Variants in ZNF518A observed in about 807,000 individuals in gnomAD.
ZNF518A encodes the protein zinc finger protein 518A, also known as zinc finger protein 518.
A neutral mutation model predicts 102.7 loss-of-function variants in ZNF518A; 47 were observed. That is an observed-to-expected ratio of 0.46 (90% CI 0.36 to 0.58). The LOEUF (loss-of-function observed/expected upper bound fraction) is 0.58, where lower values mean the gene tolerates loss of function less well. Among genes scored for constraint, ZNF518A ranks in the 20% least tolerant of loss-of-function variants. The pLI, the probability that ZNF518A is intolerant of heterozygous loss-of-function variation, is 0.00. For missense variants in ZNF518A, 1,793 were observed against 1,699.8 expected (o/e 1.05, Z -0.96); for synonymous variants, 652 against 594.6 (o/e 1.10, Z -1.40).
Position 96,203,972 on chromosome 10 carries a change from T to G in ZNF518A, n.143T>G, listed in dbSNP as rs1438833280. 13 of 1,135,540 alleles carry G rather than the reference T, an allele frequency of 1.1e-5. No homozygotes were observed. In the East Asian group the frequency reaches 3.1e-4, roughly 27 times the overall value. 70.3% of individuals were successfully genotyped at this position (1,135,540 alleles called of 1,614,324 possible). Reference sequence around the variant, plus strand: ...AGGATAACGCAGCTGGAAGCGACAGTGCTGTGTTAGAACCCAGGCCTATCA... The same window carrying G: ...AGGATAACGCAGCTGGAAGCGACAGGGCTGTGTTAGAACCCAGGCCTATCA... On this transcript the variant is annotated non_coding_transcript_exon_variant, in exon 3 of 3. Coordinates refer to the ZNF518A transcript ENST00000442635.
intron 1 of ZNF518A, among the ~76,000 whole-genome samples, chr10:96,195,738 GTAAA>G (rs1413508292): frequency 2.0e-5 from 3 of 152,190 alleles, no homozygotes; most frequent in Non-Finnish European, 4.4e-5. Flanking sequence ...TCACAACAAT[GTAAA>G]TATACTTATT....
chr10:96,159,531 A>G lies in ZNF518A; in HGVS notation c.3209A>G (p.Glu1070Gly). 1 of 1,613,896 alleles carries G rather than the reference A, an allele frequency of 6.2e-7. No homozygotes were observed. The highest frequency in any genetic ancestry group is 8.5e-7 in the Non-Finnish European group (1 of 1,179,802). Residue 1070 changes from glutamate to glycine, a missense_variant, in exon 6 of 6, where the codon GAG becomes GGG. Transcript: ENST00000316045. The part of the protein sequence containing the change: ...KAVLIPNMLS[E>G]QQSTKLNISD... ...GTTCTTATTCCTAACATGCTATCTG[A>G]GCAACAGAGCACTAAGTTGAATATC... is the stretch of plus-strand genomic sequence containing the variant.
At chr10:96,164,022 C>CTAAG (rs1207593184), downstream of ZNF518A, among the ~76,000 whole-genome samples, 3 of 152,036 alleles carry the variant, frequency 2.0e-5, no homozygotes, top group African/African-American at 7.3e-5. Flanking sequence ...CATTTGTGTG[C>CTAAG]TAAGAGTAGT....
At position 96,156,647 on chromosome 10, in the gene ZNF518A, G is replaced by C. The variant is rs782347464; in HGVS notation, c.325G>C (p.Gly109Arg). The C allele has an allele frequency of 6.2e-7, 1 of 1,613,730 alleles. No individual in the cohort carries two copies. The highest frequency in any genetic ancestry group is 8.5e-7 in the Non-Finnish European group (1 of 1,179,766). The change falls in exon 6 of 6, where the codon GGT (glycine) becomes CGT (arginine). Residue 109 changes from glycine to arginine, a missense_variant. Physicochemically the swap from Gly to Arg is moderately radical, Grantham distance 125. Transcript: ENST00000316045. ...TAAGTCTGAGAGAGCTGAAGAAGAGGGTGTAAAAATGTCTGCAAAAATACT... is the reference window on the plus strand; with the variant it reads ...TAAGTCTGAGAGAGCTGAAGAAGAGCGTGTAAAAATGTCTGCAAAAATACT... ...LHKSERAEEE[G>R]VKMSAKILNF...
chr10:96,160,986 CACAGCACA>C lies in ZNF518A; in HGVS notation c.*213_*220del, dbSNP rs2082977491. 3 of 488,436 alleles carry C rather than the reference CACAGCACA, an allele frequency of 6.1e-6. No homozygotes were observed. Among genetic ancestry groups the C allele is most frequent in the Non-Finnish European group, 1.1e-5 (3 of 285,420 alleles). 30.3% of individuals were successfully genotyped at this position (488,436 alleles called of 1,614,324 possible). On this transcript the variant is annotated 3_prime_UTR_variant, in exon 6 of 6. Coordinates refer to ENST00000316045, the MANE Select transcript of ZNF518A (RefSeq NM_001330736.2). ...CTCAAAAGTTTTGAAAGAAACTAAT[CACAGCACA>C]GAAGTACCTTGATTTAATTTTTTAA...
chr10:96,139,991 C>T (rs1300621199), intron 3 of ZNF518A, among the ~76,000 whole-genome samples: 3 of 151,792 alleles, frequency 2.0e-5, no homozygotes, highest in South Asian at 2.1e-4. Context: ...CCTGAGTAGC[C>T]GGGATTACAG....
chr10:96,160,187 C>T lies in ZNF518A; in HGVS notation c.3865C>T (p.Pro1289Ser), dbSNP rs200076503. 13 of 1,609,008 alleles carry T rather than the reference C, an allele frequency of 8.1e-6. No individual in the cohort carries two copies. The highest frequency in any genetic ancestry group is 1.1e-5 in the Non-Finnish European group (13 of 1,177,936). Residue 1289 changes from proline (P) to serine (S), a missense_variant, in exon 6 of 6, where the codon CCA (proline) becomes TCA (serine). Pro to Ser is a moderately conservative substitution (Grantham distance 74). This residue lies in a region of ZNF518A where 1,741 missense variants were observed against 1,622.6 expected (regional missense o/e 1.07). Transcript: ENST00000316045. Reference protein sequence around the residue: ...RKCRDSYQEPPRRKATLHRKC... With the variant: ...RKCRDSYQEPSRRKATLHRKC... Reference sequence around the variant, plus strand: ...GTGTAGGGATAGTTACCAAGAACCTCCAAGAAGAAAAGCAACATTGCATAG... The same window carrying T: ...GTGTAGGGATAGTTACCAAGAACCTTCAAGAAGAAAAGCAACATTGCATAG...
intron 3 of ZNF518A, among the ~76,000 whole-genome samples, chr10:96,134,988 T>G (rs1201895644): frequency 6.6e-6 from 1 of 152,210 alleles, no homozygotes; most frequent in Non-Finnish European, 1.5e-5. Flanking sequence ...CCCTCCCCTA[T>G]TCTGAGTGGT....
At chr10:96,136,524 C>T (rs1052508405) in intron 3 of ZNF518A, among the ~76,000 whole-genome samples, 3 of 151,492 alleles carry the variant, frequency 2.0e-5, no homozygotes, top group South Asian at 2.1e-4. Flanking sequence ...CATTTAAAGG[C>T]GTTTTAATGT....
chr10:96,205,078 G>T, downstream of ZNF518A: 1 of 175,108 alleles, frequency 5.7e-6, no homozygotes, highest in Non-Finnish European at 1.2e-5. Context: ...ACACTACTGA[G>T]TTCATAAATG....
chr10:96,160,235 C>A lies in ZNF518A; in HGVS notation c.3913C>A (p.Pro1305Thr), dbSNP rs1330698922. The A allele has an allele frequency of 1.9e-6, 3 of 1,612,870 alleles. No homozygotes were observed. In the African/African-American group the frequency reaches 4.0e-5, roughly 22 times the overall value. Residue 1305 changes from proline (P) to threonine (T), a missense_variant, in exon 6 of 6, where the codon CCT (proline) becomes ACT (threonine). This residue lies in a region of ZNF518A where 1,741 missense variants were observed against 1,622.6 expected (regional missense o/e 1.07). Coordinates refer to ENST00000316045, the MANE Select transcript of ZNF518A (RefSeq NM_001330736.2). ...TAGAAAGTGTAAAGAAAAGGCAAAA[C>A]CTGAAGATGTCCGTGAAACATTTGG... ...LHRKCKEKAK[P>T]EDVRETFGFS...
intron 1 of ZNF518A, among the ~76,000 whole-genome samples, chr10:96,197,994 T>A (rs1462265400): frequency 2.0e-5 from 3 of 151,292 alleles, no homozygotes; most frequent in Admixed American, 6.6e-5. Flanking sequence ...TTAAATTTTT[T>A]AATAAAAATA....
chr10:96,132,456 AGT>A (rs1452006454), intron 1 of ZNF518A, 128 bp from the exon 2 acceptor site: 1 of 151,062 alleles, frequency 6.6e-6, no homozygotes, highest in African/African-American at 2.4e-5. Flanking sequence ...TGTATGCTTA[AGT>A]GTATAGAAGT....
chr10:96,199,758 G>A (rs1464355562), intron 1 of ZNF518A, among the ~76,000 whole-genome samples: 2 of 152,188 alleles, frequency 1.3e-5, no homozygotes, highest in African/African-American at 4.8e-5. Context: ...GGTGGCTCAC[G>A]TCTGTAATCC....
intron 1 of ZNF518A, among the ~76,000 whole-genome samples, chr10:96,185,647 C>T (rs782632703): frequency 3.5e-4 from 54 of 152,344 alleles, no homozygotes; most frequent in African/African-American, 1.3e-3. Context: ...GGCTGCAGAA[C>T]AGCAAATATT....
chr10:96,136,271 C>A (rs1270908776), intron 3 of ZNF518A, among the ~76,000 whole-genome samples: 2 of 151,394 alleles, frequency 1.3e-5, no homozygotes, highest in Non-Finnish European at 2.9e-5. Context: ...TTGGCAAAAA[C>A]CTTTGTTTTA....
chr10:96,189,654 A>G, intron 1 of ZNF518A: 1 of 716,228 alleles, frequency 1.4e-6, no homozygotes, highest in South Asian at 1.4e-5. Context: ...TGGAGTATGT[A>G]GATTTCTTCA....
chr10:96,189,729 ATCATCT>A, intron 1 of ZNF518A: 2 of 723,528 alleles, frequency 2.8e-6, no homozygotes, highest in Non-Finnish European at 5.1e-6. Flanking sequence ...CATCATCATC[ATCATCT>A]TCATCAGCAG....
At chr10:96,167,611 A>C (rs2133879808), downstream of ZNF518A, among the ~76,000 whole-genome samples, 1 of 152,322 alleles carries the variant, frequency 6.6e-6, no homozygotes. Flanking sequence ...CTACAATTTT[A>C]AAAGTTACTA....
Sources: allele counts gnomAD v4.1 joint callset (sites outside exome capture counted in the v4.1 genomes callset), GRCh38; gene constraint gnomAD v4.1.1; regional missense constraint gnomAD v4.1.1; transcripts MANE v1.5; gene names NCBI Gene and HGNC (gene_info 2026-07-23, HGNC 2026-07-21).